The following SDCCAG8 variants were observed in gnomAD, a reference collection of about 807,000 sequenced individuals.
SDCCAG8 encodes SHH signaling and ciliogenesis regulator SDCCAG8.
SDCCAG8 carries 74 observed loss-of-function variants against 101.8 expected under a neutral mutation model. The observed-to-expected ratio is 0.73, with a 90% CI of 0.60 to 0.88. SDCCAG8 has a LOEUF of 0.88. SDCCAG8 is among the 40% of genes least tolerant of loss of function. SDCCAG8 has a pLI of 0.00. For synonymous variants in SDCCAG8, 281 were observed against 292.9 expected (o/e 0.96, Z 0.41); for missense variants, 787 against 822.6 (o/e 0.96, Z 0.53).
At chr1:243,312,773 A>T (rs539324598) in intron 8 of SDCCAG8, among the ~76,000 whole-genome samples, 1 of 151,588 alleles carries the variant, frequency 6.6e-6, no homozygotes, top group East Asian at 1.9e-4. Flanking sequence ...TGACTTGGAG[A>T]CCAGGCCACC....
intron 10 of SDCCAG8, among the ~76,000 whole-genome samples, chr1:243,338,027 C>G (rs555401419): frequency 6.6e-6 from 1 of 152,144 alleles, no homozygotes; most frequent in Non-Finnish European, 1.5e-5. Context: ...CTCAAGCAAT[C>G]CCCCTGCCTC....
intron 16 of SDCCAG8, among the ~76,000 whole-genome samples, chr1:243,436,180 T>G (rs2082119816): frequency 6.6e-6 from 1 of 151,902 alleles, no homozygotes. Flanking sequence ...TTTTTTTTTT[T>G]TTTTGAGCAG....
At chr1:243,303,246 G>C (rs1408500642) in intron 6 of SDCCAG8, among the ~76,000 whole-genome samples, 1 of 152,298 alleles carries the variant, frequency 6.6e-6, no homozygotes, top group East Asian at 1.9e-4. Flanking sequence ...CTGGCAGAAG[G>C]GTTCTGATTA....
At chr1:243,396,171 A>G (rs1370015683) in intron 13 of SDCCAG8, among the ~76,000 whole-genome samples, 1 of 152,278 alleles carries the variant, frequency 6.6e-6, no homozygotes, top group African/African-American at 2.4e-5. Context: ...AATTCAACAT[A>G]GAGTGATTTC....
chr1:243,259,136 C>G (rs1288607328), intron 1 of SDCCAG8, among the ~76,000 whole-genome samples: 3 of 151,940 alleles, frequency 2.0e-5, no homozygotes, highest in African/African-American at 7.3e-5. Context: ...CGTGGTGGCT[C>G]ACGCCTGTAA....
intron 7 of SDCCAG8, chr1:243,305,159 G>A (rs2071960279): frequency 4.7e-6 from 1 of 215,028 alleles, no homozygotes; most frequent in Non-Finnish European, 9.3e-6. Flanking sequence ...ACAAAAATTA[G>A]CTGGGCCTGG....
intron 9 of SDCCAG8, among the ~76,000 whole-genome samples, chr1:243,329,633 CTA>C (rs939394811): frequency 2.0e-5 from 3 of 152,060 alleles, no homozygotes; most frequent in African/African-American, 7.2e-5. Context: ...CTATAAGATA[CTA>C]TAGTACCTTA....
intron 13 of SDCCAG8, among the ~76,000 whole-genome samples, chr1:243,407,450 A>G (rs1367752118): frequency 6.6e-6 from 1 of 152,232 alleles, no homozygotes; most frequent in African/African-American, 2.4e-5. Flanking sequence ...TAGAAAGTAC[A>G]GACATGCAAA....
chr1:243,378,654 T>C, intron 12 of SDCCAG8, 67 bp from the exon 13 acceptor site: 1 of 1,526,800 alleles, frequency 6.5e-7, no homozygotes, highest in Non-Finnish European at 9.0e-7. Flanking sequence ...AAAATAAAAA[T>C]GAGCTAATTT....
At chr1:243,286,460 C>A in intron 5 of SDCCAG8, 63 bp downstream of exon 5, 5 of 1,565,534 alleles carry the variant, frequency 3.2e-6, no homozygotes, top group Non-Finnish European at 4.4e-6. Context: ...GCCCTCTCTC[C>A]TCGCCTTCTT....
At chr1:243,407,413 C>T (rs374428463) in intron 13 of SDCCAG8, among the ~76,000 whole-genome samples, 14 of 152,092 alleles carry the variant, frequency 9.2e-5, no homozygotes, top group South Asian at 6.2e-4. Context: ...ATAGAGAGGT[C>T]GGTGCATTTG....
chr1:243,385,720 A>G (rs971132934), intron 13 of SDCCAG8, among the ~76,000 whole-genome samples: 1 of 152,216 alleles, frequency 6.6e-6, no homozygotes, highest in South Asian at 2.1e-4. Context: ...CTGTAATCCC[A>G]GCACTTTGGG....
intron 15 of SDCCAG8, among the ~76,000 whole-genome samples, chr1:243,424,390 A>G (rs893625536): frequency 4.6e-5 from 7 of 152,076 alleles, no homozygotes; most frequent in African/African-American, 1.4e-4. Context: ...AATAAAATAC[A>G]TATCTATTTT....
At chr1:243,304,629 ATTGAGTTT>A in intron 6 of SDCCAG8, 76 bp from the exon 7 acceptor site, 2 of 738,518 alleles carry the variant, frequency 2.7e-6, no homozygotes, top group Non-Finnish European at 2.3e-6. Context: ...AAAGAAAAAA[ATTGAGTTT>A]AATATTAAAA....
intron 13 of SDCCAG8, among the ~76,000 whole-genome samples, chr1:243,385,782 C>T (rs1285767944): frequency 2.0e-5 from 3 of 152,014 alleles, no homozygotes; most frequent in African/African-American, 4.8e-5. Flanking sequence ...CCAGCCTGAC[C>T]AACATGGAGA....
chr1:243,300,487 G>A (rs532166617), intron 6 of SDCCAG8, among the ~76,000 whole-genome samples: 2 of 152,196 alleles, frequency 1.3e-5, no homozygotes, highest in Admixed American at 1.3e-4. Flanking sequence ...GCTTTCAGTG[G>A]CCCTCCAGTG....
At chr1:243,340,920 C>A in intron 10 of SDCCAG8, 119 bp from the exon 11 acceptor site, 1 of 1,019,620 alleles carries the variant, frequency 9.8e-7, no homozygotes, top group Non-Finnish European at 1.5e-6. Flanking sequence ...ATACCCAATC[C>A]ACAGAGAAAT....
chr1:243,367,915 C>G (rs868495977), intron 12 of SDCCAG8, among the ~76,000 whole-genome samples: 1 of 151,716 alleles, frequency 6.6e-6, no homozygotes, highest in South Asian at 2.1e-4. Flanking sequence ...TAATTTCCTT[C>G]TAGAAAATAA....
In SDCCAG8 at chr1:243,273,282, A is replaced by C. The variant is rs559386702; in HGVS notation, c.307-1261A>C. On this transcript the variant is annotated intron_variant, in intron 3 of 17. Coordinates refer to ENST00000366541, the MANE Select transcript of SDCCAG8 (RefSeq NM_006642.5). ...GAGAAAGAGAGTGGCTGAGAAACAG[A>C]CACTGTGCCTCATTTCAAGCTTTCC... 2.6e-5 allele frequency among the ~76,000 whole-genome samples: 4 copies of C among 152,326 alleles called. No homozygotes were observed. In the East Asian group the frequency reaches 7.7e-4, roughly 29 times the overall value.
Sources: gnomAD v4.1 joint callset for allele counts (sites outside exome capture counted in the v4.1 genomes callset) on GRCh38, gnomAD v4.1.1 for gene constraint, MANE v1.5 for transcripts, NCBI Gene and HGNC (gene_info 2026-07-23, HGNC 2026-07-21) for gene names.